SNAP25: variants seen among roughly 807,000 people sequenced by gnomAD.
SNAP25 encodes synaptosome associated protein 25.
A neutral mutation model predicts 28.7 loss-of-function variants in SNAP25; 3 were observed. The ratio of observed to expected loss-of-function variants is 0.10; its 90% CI spans 0.05 to 0.27. SNAP25 has a LOEUF of 0.27. SNAP25 is among the 10% of genes least tolerant of loss of function. The pLI, the probability that SNAP25 is intolerant of heterozygous loss-of-function variation, is 1.00. For synonymous variants in SNAP25, 61 were observed against 88.1 expected (o/e 0.69, Z 1.72); for missense variants, 117 against 278.7 (o/e 0.42, Z 4.13).
intron 4 of SNAP25, 24 bp downstream of exon 4, chr20:10,284,796 G>A (rs767455976): frequency 1.9e-6 from 3 of 1,582,834 alleles, no homozygotes; most frequent in Middle Eastern, 1.7e-4. Flanking sequence ...TCTTCAGTAA[G>A]AACAATTCCT....
At chr20:10,296,295 G>A (rs2064107928) in intron 5 of SNAP25, 1 of 152,428 alleles carries the variant, frequency 6.6e-6, no homozygotes, top group Non-Finnish European at 1.5e-5. Context: ...TGACTGTTTG[G>A]AAGTACCGAT....
At chr20:10,237,159 C>T (rs2062939237) in intron 1 of SNAP25, among the ~76,000 whole-genome samples, 1 of 152,034 alleles carries the variant, frequency 6.6e-6, no homozygotes, top group Non-Finnish European at 1.5e-5. Context: ...AAAGTCAGTA[C>T]AGGGGGCACT....
At chr20:10,273,401 C>T (rs2063632852) in intron 1 of SNAP25, among the ~76,000 whole-genome samples, 1 of 152,160 alleles carries the variant, frequency 6.6e-6, no homozygotes, top group Non-Finnish European at 1.5e-5. Context: ...GCTGCTATAA[C>T]AAAACAACCC....
At chr20:10,250,282 C>A (rs2063203060) in intron 1 of SNAP25, among the ~76,000 whole-genome samples, 1 of 152,184 alleles carries the variant, frequency 6.6e-6, no homozygotes, top group Non-Finnish European at 1.5e-5. Flanking sequence ...TCGTCCAGGG[C>A]ATTTCTGAAA....
chr20:10,243,533 G>A (rs2063071823), intron 1 of SNAP25, among the ~76,000 whole-genome samples: 3 of 152,096 alleles, frequency 2.0e-5, no homozygotes, highest in African/African-American at 7.2e-5. Context: ...TCATGGCCTT[G>A]AGAGTCTTCA....
chr20:10,230,187 A>G (rs2062804316), intron 1 of SNAP25, among the ~76,000 whole-genome samples: 1 of 152,128 alleles, frequency 6.6e-6, no homozygotes, highest in Non-Finnish European at 1.5e-5. Flanking sequence ...GCCAAGGAGG[A>G]GAACTGAGTT....
intron 1 of SNAP25, among the ~76,000 whole-genome samples, chr20:10,269,137 GC>G (rs1568603829): frequency 5.9e-5 from 9 of 152,146 alleles, no homozygotes; most frequent in Non-Finnish European, 1.0e-4. Context: ...GAAGTCCGGC[GC>G]AGTGTCTCAC....
chr20:10,246,241 G>T (rs2063124790), intron 1 of SNAP25, among the ~76,000 whole-genome samples: 1 of 152,248 alleles, frequency 6.6e-6, no homozygotes, highest in Admixed American at 6.5e-5. Context: ...AGAAGATGGT[G>T]TGGGTGTATG....
At chr20:10,278,964 T>G (rs1295534182) in intron 3 of SNAP25, among the ~76,000 whole-genome samples, 1 of 151,742 alleles carries the variant, frequency 6.6e-6, no homozygotes, top group Non-Finnish European at 1.5e-5. Context: ...TAACAAAATC[T>G]GTTATCCCCC....
At chr20:10,302,767 C>A (rs2064270357) in intron 7 of SNAP25, among the ~76,000 whole-genome samples, 2 of 149,560 alleles carry the variant, frequency 1.3e-5, no homozygotes, top group African/African-American at 2.5e-5. Context: ...AAGACATCTA[C>A]AAGGAGATTC....
At position 10,224,257 on chromosome 20, in the gene SNAP25, C is replaced by CTTTTTTTTTTTTTTTTTTTTTTTTTTTTT. The variant is rs71332917; in HGVS notation, c.-64+5287_-64+5315dup. On this transcript the variant is annotated intron_variant, in intron 1 of 7. Transcript: ENST00000254976. ...AATAAGGCATAGAGAATGTACATGT[C>CTTTTTTTTTTTTTTTTTTTTTTTTTTTTT]TTTTTTTTTTTTTTTTTTTTTTTTT... Among the ~76,000 whole-genome samples the CTTTTTTTTTTTTTTTTTTTTTTTTTTTTT allele has an allele frequency of 2.3e-4, 4 of 17,434 alleles. 1 individual carries two copies. Among genetic ancestry groups the CTTTTTTTTTTTTTTTTTTTTTTTTTTTTT allele is most frequent in the Admixed American group, 8.2e-4 (1 of 1,218 alleles). 11.4% of individuals were successfully genotyped at this position (17,434 alleles called of 152,430 possible).
rs2064051731 is a variant in SNAP25, at chr20:10,293,982, G to T, written c.281+704G>T. On this transcript the variant is annotated intron_variant, in intron 5 of 7. Coordinates refer to ENST00000254976, the MANE Select transcript of SNAP25 (RefSeq NM_130811.4). The surrounding 1 kb of genome is among the most constrained non-coding windows in gnomAD (Gnocchi z 5.6). ...TCACAAAACATTCAACTGTTCTCAA[G>T]GTTCTGCAACGCTTTTTTGGAATGT... Among the ~76,000 whole-genome samples, 1 of 152,198 alleles carries T rather than the reference G, an allele frequency of 6.6e-6. No homozygotes were observed. The highest frequency in any genetic ancestry group is 1.5e-5 in the Non-Finnish European group (1 of 68,040).
intron 1 of SNAP25, among the ~76,000 whole-genome samples, chr20:10,267,845 C>T (rs73602401): frequency 0.087 from 13,310 of 152,238 alleles, 758 homozygotes; most frequent in East Asian, 0.17. Context: ...CCACCGTGCC[C>T]GGCCAATAGT....
intron 4 of SNAP25, among the ~76,000 whole-genome samples, chr20:10,287,137 CA>C (rs1256113050): frequency 2.0e-5 from 3 of 152,074 alleles, no homozygotes; most frequent in Non-Finnish European, 2.9e-5. Context: ...AGCAAGGCAA[CA>C]AAAGCCAAAA....
At chr20:10,230,955 G>T (rs150236978) in intron 1 of SNAP25, among the ~76,000 whole-genome samples, 1 of 152,064 alleles carries the variant, frequency 6.6e-6, no homozygotes, top group Admixed American at 6.6e-5. Flanking sequence ...TTCAACAGTG[G>T]CCCAATCCCA....
Position 10,232,435 on chromosome 20 carries a change from C to G in SNAP25, c.-64+13458C>G, listed in dbSNP as rs1468197714. On this transcript the variant is annotated intron_variant, in intron 1 of 7. Coordinates refer to ENST00000254976, the MANE Select transcript of SNAP25 (RefSeq NM_130811.4). Reference sequence around the variant, plus strand: ...GTAAGCCATCTTTCCTTATTTTCTCCAAAAGGTTGGGCTGAATAGCAAACC... The same window carrying G: ...GTAAGCCATCTTTCCTTATTTTCTCGAAAAGGTTGGGCTGAATAGCAAACC... 2.6e-5 allele frequency among the ~76,000 whole-genome samples: 4 copies of G among 152,164 alleles called. No homozygotes were observed. The East Asian group carries it at 7.7e-4, about 29-fold the overall frequency.
At chr20:10,255,805 C>T (rs530922153) in intron 1 of SNAP25, among the ~76,000 whole-genome samples, 150 of 152,176 alleles carry the variant, frequency 9.9e-4, no homozygotes, top group Non-Finnish European at 1.7e-3. Flanking sequence ...GCTTCATTTA[C>T]GGATTTTGTA....
chr20:10,268,295 C>A (rs1481180906), intron 1 of SNAP25, among the ~76,000 whole-genome samples: 1 of 152,138 alleles, frequency 6.6e-6, no homozygotes, highest in East Asian at 1.9e-4. Flanking sequence ...GAGAAGGATC[C>A]ATCCTGCAGA....
At chr20:10,284,872 C>A in intron 4 of SNAP25, 100 bp downstream of exon 4, 1 of 888,914 alleles carries the variant, frequency 1.1e-6, no homozygotes, top group Non-Finnish European at 1.8e-6. Flanking sequence ...ACATGTGTTA[C>A]ACATGTACAC....
Sources: gnomAD v4.1 joint callset for allele counts (sites outside exome capture counted in the v4.1 genomes callset) on GRCh38, gnomAD v4.1.1 for gene constraint, Gnocchi (gnomAD v3.1) non-coding constraint, MANE v1.5 for transcripts, NCBI Gene and HGNC (gene_info 2026-07-23, HGNC 2026-07-21) for gene names.